The following PFKFB2 variants were observed in gnomAD, a reference collection of about 807,000 sequenced individuals.
The protein encoded by PFKFB2 is 6-phosphofructo-2-kinase/fructose-2,6-biphosphatase 2.
In PFKFB2, 53 loss-of-function variants were observed where a neutral mutation model predicts 68.0. That is an observed-to-expected ratio of 0.78 (90% CI 0.63 to 0.98). The LOEUF is 0.98. PFKFB2 is among the 50% of genes least tolerant of loss of function. The pLI is 0.00. For synonymous variants in PFKFB2, 222 were observed against 227.6 expected (o/e 0.98, Z 0.22); for missense variants, 451 against 642.0 (o/e 0.70, Z 3.22).
At chr1:207,080,487 C>G (rs1683734056), downstream of PFKFB2, 2 of 152,158 alleles carry the variant, frequency 1.3e-5, no homozygotes, top group African/African-American at 4.8e-5. Context: ...GGCTCCTTAC[C>G]CTGTAGCAGA....
In PFKFB2 at chr1:207,074,000, C is replaced by T. The variant is rs919236504; in HGVS notation, c.*1629C>T. 2.0e-6 allele frequency: 2 copies of T among 982,004 alleles called. No homozygotes were observed. The highest frequency in any genetic ancestry group is 2.4e-6 in the Non-Finnish European group (2 of 826,938). 60.8% of individuals were successfully genotyped at this position (982,004 alleles called of 1,614,324 possible). A position where few individuals can be genotyped will look rare whatever the true frequency, so the allele number is the denominator to read the frequency against. On this transcript the variant is annotated 3_prime_UTR_variant, in exon 15 of 15. Coordinates refer to ENST00000367080, the MANE Select transcript of PFKFB2 (RefSeq NM_006212.2). ...TAATGGAAGACTTTTTGCTGTGGTT[C>T]TCATCCAGGAGTATTCCTTAGAATT...
At chr1:207,079,025 T>G (rs1683700562), downstream of PFKFB2, 1 of 1,608,582 alleles carries the variant, frequency 6.2e-7, no homozygotes, top group South Asian at 1.1e-5. Flanking sequence ...GCTAATGATG[T>G]GGATGTTCAG....
chr1:207,078,373 C>T (rs773973314), downstream of PFKFB2, among the ~76,000 whole-genome samples: 16 of 152,164 alleles, frequency 1.1e-4, no homozygotes, highest in Admixed American at 5.2e-4. Flanking sequence ...CCCAGACCTC[C>T]GGAGTCAGAA....
At chr1:207,078,885 G>C, downstream of PFKFB2, 1 of 1,324,658 alleles carries the variant, frequency 7.5e-7, no homozygotes, top group Non-Finnish European at 1.1e-6. Context: ...GAAGGATTCT[G>C]TTCTACTTTT....
intron 7 of PFKFB2, among the ~76,000 whole-genome samples, chr1:207,064,137 T>C (rs1029444755): frequency 2.0e-5 from 3 of 152,118 alleles, no homozygotes; most frequent in Non-Finnish European, 2.9e-5. Context: ...ATTATCTGGA[T>C]GTTGAGACCT....
intron 2 of PFKFB2, among the ~76,000 whole-genome samples, chr1:207,058,612 T>C (rs2808455): frequency 0.028 from 4,265 of 152,300 alleles, 203 homozygotes; most frequent in African/African-American, 0.097. Context: ...ATCTTTTTTT[T>C]AAAATACATT....
Position 207,070,438 on chromosome 1 carries a change from C to A in PFKFB2, c.1222+29C>A. ...CCTTTGAGGGAGGGGCTGGGAGACA[C>A]ATCCAGTGGGAGAGGGCTGGACTTG... On this transcript the variant is annotated intron_variant, in intron 12 of 14. Transcript: ENST00000367080. The surrounding 1 kb of genome is among the most constrained non-coding windows in gnomAD (Gnocchi z 4.2). 1.2e-6 allele frequency: 2 copies of A among 1,610,012 alleles called. No individual in the cohort carries two copies. Among genetic ancestry groups the A allele is most frequent in the African/African-American group, 1.3e-5 (1 of 74,956 alleles).
Position 207,063,038 on chromosome 1 carries a change from G to T in PFKFB2, c.309-105G>T. On this transcript the variant is annotated intron_variant, in intron 4 of 14. Coordinates refer to ENST00000367080, the MANE Select transcript of PFKFB2 (RefSeq NM_006212.2). The surrounding 1 kb of genome is among the most constrained non-coding windows in gnomAD (Gnocchi z 4.1). ...GTTAGAGAAAGGTTTTGAACAGTGG[G>T]AAACTAAGTGGGCAGGGATGTGACT... 1.0e-6 allele frequency: 1 copy of T among 956,326 alleles called. No individual in the cohort carries two copies. Among genetic ancestry groups the T allele is most frequent in the Non-Finnish European group, 1.7e-6 (1 of 587,754 alleles). The allele number at this position is 956,326 out of a possible 1,614,324, so 59.2% of individuals were successfully genotyped here.
At chr1:207,054,968 C>T (rs1682877627) in intron 2 of PFKFB2, 166 bp downstream of exon 2, 1 of 576,050 alleles carries the variant, frequency 1.7e-6, no homozygotes, top group Non-Finnish European at 3.1e-6. Context: ...AACAAGTAGA[C>T]TTAGTGAAAT....
At chr1:207,061,584 T>C (rs1322521826) in intron 2 of PFKFB2, among the ~76,000 whole-genome samples, 2 of 152,138 alleles carry the variant, frequency 1.3e-5, no homozygotes, top group South Asian at 2.1e-4. Flanking sequence ...GCTCAGTGTA[T>C]AAACCTTACT....
In PFKFB2 at chr1:207,067,703, G is replaced by A; in HGVS notation, c.837G>A (p.Lys279=). ...GGDSGLSVRG[K]QFAQALRKFL... ...ACTCTGGCCTCTCGGTGCGGGGAAAGCAGGTGAGTAATTATTCAGCACACT... is the reference window on the plus strand; with the variant it reads ...ACTCTGGCCTCTCGGTGCGGGGAAAACAGGTGAGTAATTATTCAGCACACT... The change falls in exon 9 of 15, where the codon AAG becomes AAA. Residue 279 remains lysine, a synonymous_variant. Coordinates refer to ENST00000367080, the MANE Select transcript of PFKFB2 (RefSeq NM_006212.2). The A allele has an allele frequency of 1.2e-6, 2 of 1,611,856 alleles. No individual in the cohort carries two copies. Among genetic ancestry groups the A allele is most frequent in the Non-Finnish European group, 8.5e-7 (1 of 1,178,188 alleles).
intron 1 of PFKFB2, chr1:207,035,129 A>G (rs1682351630): frequency 1.0e-6 from 1 of 983,756 alleles, no homozygotes; most frequent in African/African-American, 1.8e-5. Flanking sequence ...TGATGACCAG[A>G]CTCTGTGGAA....
chr1:207,039,707 G>A (rs769605979), intron 1 of PFKFB2, among the ~76,000 whole-genome samples: 7 of 152,164 alleles, frequency 4.6e-5, no homozygotes. Context: ...TGCTGCTGAG[G>A]ACTTCCACTT....
At chr1:207,049,476 A>G (rs1682680414), upstream of PFKFB2, 3 of 1,614,072 alleles carry the variant, frequency 1.9e-6, no homozygotes, top group East Asian at 2.2e-5. Context: ...TTGCCTCACT[A>G]TAGAAGTCTG....
intron 4 of PFKFB2, 150 bp from the exon 5 acceptor site, chr1:207,062,993 T>C (rs1683163036): frequency 1.4e-6 from 1 of 733,716 alleles, no homozygotes; most frequent in East Asian, 2.6e-5. Context: ...AAACCCTCAG[T>C]GAGAAAGTTG....
At chr1:207,053,651 A>G (rs1682822216) in intron 1 of PFKFB2, among the ~76,000 whole-genome samples, 2 of 152,100 alleles carry the variant, frequency 1.3e-5, no homozygotes, top group South Asian at 2.1e-4. Flanking sequence ...AGTTTGAATC[A>G]GGGCTTACCC....
In PFKFB2 at chr1:207,063,884, G is replaced by T; in HGVS notation, c.507+55G>T. ...CTTCACCTTTTGTGCTGTGTGTGTTGTGGGGTGTGTGTGTGTGTGTGTGTG... is the reference window on the plus strand; with the variant it reads ...CTTCACCTTTTGTGCTGTGTGTGTTTTGGGGTGTGTGTGTGTGTGTGTGTG... On this transcript the variant is annotated intron_variant, in intron 7 of 14. Transcript: ENST00000367080. The surrounding 1 kb of genome is among the most constrained non-coding windows in gnomAD (Gnocchi z 4.1). 1 of 837,976 alleles carries T rather than the reference G, an allele frequency of 1.2e-6. No individual in the cohort carries two copies. The highest frequency in any genetic ancestry group is 1.9e-6 in the Non-Finnish European group (1 of 537,414). 51.9% of individuals were successfully genotyped at this position (837,976 alleles called of 1,614,324 possible). A position where few individuals can be genotyped will look rare whatever the true frequency, so the allele number is the denominator to read the frequency against.
intron 2 of PFKFB2, among the ~76,000 whole-genome samples, chr1:207,057,113 C>G (rs926319274): frequency 2.0e-5 from 3 of 151,864 alleles, no homozygotes; most frequent in Non-Finnish European, 4.4e-5. Flanking sequence ...GGCCGAGGTG[C>G]CTTTACGGTG....
chr1:207,049,766 G>T (rs1401149160), upstream of PFKFB2: 2 of 1,545,344 alleles, frequency 1.3e-6, no homozygotes, highest in Non-Finnish European at 1.7e-6. Context: ...AGAAATTACA[G>T]AAGAAACCGA....
Sources: allele counts gnomAD v4.1 joint callset (sites outside exome capture counted in the v4.1 genomes callset), GRCh38; gene constraint gnomAD v4.1.1; non-coding constraint Gnocchi (gnomAD v3.1); transcripts MANE v1.5; gene names NCBI Gene and HGNC (gene_info 2026-07-23, HGNC 2026-07-21).